Variants in CTIF observed in about 807,000 individuals in gnomAD.
The protein encoded by CTIF is CBP80/20-dependent translation initiation factor.
Under a neutral mutation model 66.0 loss-of-function variants are expected in CTIF, and 21 were observed. That is an observed-to-expected ratio of 0.32 (90% CI 0.23 to 0.46). The LOEUF (loss-of-function observed/expected upper bound fraction) is 0.46. Among genes scored for constraint, CTIF ranks in the 20% least tolerant of loss-of-function variants. CTIF has a pLI of 1.00. For synonymous variants in CTIF, 345 were observed against 326.4 expected, an observed-to-expected ratio of 1.06 and a Z score of -0.62; for missense variants, 739 against 812.7, an observed-to-expected ratio of 0.91 and a Z score of 1.10.
chr18:48,604,194 T>TTTG (rs2090161829), intron 1 of CTIF, among the ~76,000 whole-genome samples: 2 of 137,912 alleles, frequency 1.5e-5, no homozygotes, highest in African/African-American at 3.0e-5. Flanking sequence ...TTTTTTTTTT[T>TTTG]GAGACGGGTC....
At chr18:48,720,153 CT>C (rs1443454587) in intron 7 of CTIF, among the ~76,000 whole-genome samples, 1 of 152,162 alleles carries the variant, frequency 6.6e-6, no homozygotes, top group Non-Finnish European at 1.5e-5. Flanking sequence ...CGTACTTGCT[CT>C]TTAAAACAGA....
At chr18:48,804,083 T>C (rs186143301) in intron 9 of CTIF, among the ~76,000 whole-genome samples, 20 of 152,236 alleles carry the variant, frequency 1.3e-4, no homozygotes, top group African/African-American at 4.8e-4. Context: ...ATCCTCAGTG[T>C]CTAGGGGCAG....
intron 2 of CTIF, among the ~76,000 whole-genome samples, chr18:48,632,992 C>A (rs1269494543): frequency 2.8e-4 from 9 of 32,658 alleles, no homozygotes; most frequent in African/African-American, 4.3e-4. Flanking sequence ...GGGTTGCATA[C>A]GGATGTGCAC....
In CTIF at chr18:48,762,346, G is replaced by A. The variant is rs555886701; in HGVS notation, c.1371+657G>A. On this transcript the variant is annotated intron_variant, in intron 9 of 11. Coordinates refer to ENST00000256413, the MANE Select transcript of CTIF (RefSeq NM_014772.3). ...GTGGTTCTATCAGCATGAGTGTGTC[G>A]TGGGAGTAGGCGCGTGCACTTGGAC... Among the ~76,000 whole-genome samples the A allele has an allele frequency of 3.2e-4, 49 of 152,314 alleles. No individual in the cohort carries two copies. In the South Asian group the frequency reaches 3.7e-3, roughly 12 times the overall value.
At chr18:48,813,045 G>A (rs2068293417) in intron 9 of CTIF, among the ~76,000 whole-genome samples, 1 of 150,542 alleles carries the variant, frequency 6.6e-6, no homozygotes, top group Non-Finnish European at 1.5e-5. Context: ...CAGCTTTCTG[G>A]TCTATTTATC....
At chr18:48,553,478 G>A (rs2088938533) in intron 1 of CTIF, among the ~76,000 whole-genome samples, 1 of 152,166 alleles carries the variant, frequency 6.6e-6, no homozygotes, top group Admixed American at 6.5e-5. Flanking sequence ...TTCCCGGAAT[G>A]CAGACTGTAA....
At chr18:48,785,241 G>C (rs575109509) in intron 9 of CTIF, among the ~76,000 whole-genome samples, 11 of 152,104 alleles carry the variant, frequency 7.2e-5, no homozygotes, top group Admixed American at 5.9e-4. Flanking sequence ...AGGAACCACA[G>C]TCTATTGACG....
intron 6 of CTIF, among the ~76,000 whole-genome samples, chr18:48,711,167 T>C (rs1474516398): frequency 6.6e-6 from 1 of 152,216 alleles, no homozygotes; most frequent in African/African-American, 2.4e-5. Context: ...TCCTTGGTCC[T>C]CTAGCAGCCC....
In CTIF at chr18:48,834,129, T is replaced by C. The variant is rs112520140; in HGVS notation, c.1527+16753T>C. On this transcript the variant is annotated intron_variant, in intron 10 of 11. Coordinates refer to ENST00000256413, the MANE Select transcript of CTIF (RefSeq NM_014772.3). ...ATGAAGGGCCAGATAGTAAATATTT[T>C]AGGCTCTGCAGGCCAAGAGGCAAAG... Among the ~76,000 whole-genome samples the C allele has an allele frequency of 4.7e-3, 718 of 152,170 alleles. 8 individuals are homozygous for C. The highest frequency in any genetic ancestry group is 0.017 in the African/African-American group (691 of 41,528).
chr18:48,698,060 T>C (rs1316414732), intron 6 of CTIF, among the ~76,000 whole-genome samples: 2 of 112,220 alleles, frequency 1.8e-5, no homozygotes, highest in East Asian at 3.1e-4. Context: ...AACTCTCTAC[T>C]CCTCCCTCCT....
At chr18:48,831,099 A>C (rs547544938) in intron 10 of CTIF, among the ~76,000 whole-genome samples, 4 of 152,358 alleles carry the variant, frequency 2.6e-5, no homozygotes, top group African/African-American at 9.6e-5. Context: ...GAGTGAGCAG[A>C]GTGGGGCTGG....
At chr18:48,635,332 T>C (rs939421695) in intron 2 of CTIF, among the ~76,000 whole-genome samples, 1 of 148,498 alleles carries the variant, frequency 6.7e-6, no homozygotes, top group Non-Finnish European at 1.5e-5. Context: ...TCTTTCTTTT[T>C]TTTTTTTTTT....
intron 1 of CTIF, among the ~76,000 whole-genome samples, chr18:48,553,542 A>G (rs767798893): frequency 7.6e-4 from 115 of 152,312 alleles, no homozygotes; most frequent in Non-Finnish European, 1.3e-3. Flanking sequence ...CTCCTGGCTC[A>G]TCCCACGAGG....
chr18:48,636,502 G>GATTCC (rs1457154468), intron 2 of CTIF, 112 bp from the exon 3 acceptor site: 2 of 693,192 alleles, frequency 2.9e-6, no homozygotes, highest in East Asian at 6.7e-5. Context: ...GGCCAAATAG[G>GATTCC]ATTCCACAGT....
At chr18:48,593,639 C>A (rs553364486) in intron 1 of CTIF, among the ~76,000 whole-genome samples, 5 of 152,200 alleles carry the variant, frequency 3.3e-5, no homozygotes, top group Admixed American at 2.6e-4. Flanking sequence ...GCCTCAGCCT[C>A]CCAAAGTGCT....
intron 6 of CTIF, among the ~76,000 whole-genome samples, chr18:48,691,324 C>A (rs1473150369): frequency 2.0e-5 from 3 of 152,148 alleles, no homozygotes; most frequent in Admixed American, 2.0e-4. Context: ...GAAGACAATT[C>A]CAGGGCCTGT....
chr18:48,633,657 G>A (rs1440268472), intron 2 of CTIF, among the ~76,000 whole-genome samples: 3 of 151,766 alleles, frequency 2.0e-5, no homozygotes, highest in African/African-American at 4.8e-5. Flanking sequence ...AACCAAGATT[G>A]CGCCACTGCA....
chr18:48,648,671 CCT>C (rs1209365166), intron 3 of CTIF, among the ~76,000 whole-genome samples: 1 of 152,156 alleles, frequency 6.6e-6, no homozygotes, highest in Non-Finnish European at 1.5e-5. Context: ...CCATAGGAAG[CCT>C]CTGTTTTGGC....
At chr18:48,609,176 AG>A (rs1025366516) in intron 1 of CTIF, among the ~76,000 whole-genome samples, 2 of 152,186 alleles carry the variant, frequency 1.3e-5, no homozygotes, top group African/African-American at 4.8e-5. Flanking sequence ...AATACAGGAG[AG>A]AGCCAGACTG....
Sources: gnomAD v4.1 joint callset for allele counts (sites outside exome capture counted in the v4.1 genomes callset) on GRCh38, gnomAD v4.1.1 for gene constraint, MANE v1.5 for transcripts, NCBI Gene and HGNC (gene_info 2026-07-23, HGNC 2026-07-21) for gene names.